The following SCYL2 variants were observed in gnomAD, a reference collection of about 807,000 sequenced individuals.
SCYL2 encodes SCY1-like protein 2.
In SCYL2, 36 loss-of-function variants were observed where a neutral mutation model predicts 100.4. The observed-to-expected ratio is 0.36, with a 90% CI of 0.27 to 0.47. The LOEUF (loss-of-function observed/expected upper bound fraction) is 0.47, where lower values mean the gene tolerates loss of function less well. Among genes scored for constraint, SCYL2 ranks in the 20% least tolerant of loss-of-function variants. The pLI is 1.00. For missense variants in SCYL2, 902 were observed against 1,083.9 expected, an observed-to-expected ratio of 0.83 and a Z score of 2.36; for synonymous variants, 330 against 359.2, an observed-to-expected ratio of 0.92 and a Z score of 0.92.
At chr12:100,318,821 T>A (rs914438977) in intron 10 of SCYL2, among the ~76,000 whole-genome samples, 3 of 152,246 alleles carry the variant, frequency 2.0e-5, no homozygotes, top group African/African-American at 7.2e-5. Flanking sequence ...TGTATAGTTA[T>A]AACTTTTGTT....
At chr12:100,296,396 C>T (rs1206629695) in intron 3 of SCYL2, among the ~76,000 whole-genome samples, 2 of 151,830 alleles carry the variant, frequency 1.3e-5, no homozygotes, top group Admixed American at 1.3e-4. Context: ...GTAATTAAAA[C>T]CTAAAAAAAA....
chr12:100,338,474 T>G (rs1952308442), intron 17 of SCYL2, 54 bp from the exon 18 acceptor site: 2 of 1,364,654 alleles, frequency 1.5e-6, no homozygotes, highest in Non-Finnish European at 9.9e-7. Context: ...TGTTTACTAA[T>G]TATAAAGTAA....
intron 1 of SCYL2, among the ~76,000 whole-genome samples, chr12:100,281,640 T>C (rs1434606349): frequency 6.6e-6 from 1 of 152,150 alleles, no homozygotes; most frequent in Non-Finnish European, 1.5e-5. Context: ...GAGACCATCC[T>C]GGCTAACACG....
chr12:100,321,419 T>C (rs2096355611), intron 10 of SCYL2, among the ~76,000 whole-genome samples: 2 of 152,190 alleles, frequency 1.3e-5, no homozygotes, highest in Admixed American at 6.5e-5. Flanking sequence ...GTGTGTACTT[T>C]AGCCAGTTAG....
chr12:100,323,477 A>G (rs762735701), intron 10 of SCYL2, 48 bp from the exon 11 acceptor site: 1 of 1,119,114 alleles, frequency 8.9e-7, no homozygotes, highest in East Asian at 2.4e-5. Context: ...TATCAGAGAG[A>G]AAAGATGAGT....
Position 100,326,936 on chromosome 12 carries a change from A to G in SCYL2, c.1642+182A>G, listed in dbSNP as rs112418166. 7.5e-3 allele frequency among the ~76,000 whole-genome samples: 1,145 copies of G among 152,318 alleles called. 16 individuals are homozygous for G. The highest frequency in any genetic ancestry group is 0.026 in the African/African-American group (1,086 of 41,590). On this transcript the variant is annotated intron_variant, in intron 12 of 17. Transcript: ENST00000360820. ...CAAAAGCAGTAGAATCTTGACATTTATAAAGGAATAAGATATTTAAGAATT... is the reference window on the plus strand; with the variant it reads ...CAAAAGCAGTAGAATCTTGACATTTGTAAAGGAATAAGATATTTAAGAATT...
At chr12:100,320,226 G>A (rs1041243650) in intron 10 of SCYL2, among the ~76,000 whole-genome samples, 1 of 152,080 alleles carries the variant, frequency 6.6e-6, no homozygotes, top group Non-Finnish European at 1.5e-5. Context: ...TATTAAAATA[G>A]TTCCTCATCC....
In SCYL2 at chr12:100,334,232, C is replaced by T; in HGVS notation, c.1828C>T (p.Leu610=). 6.2e-7 allele frequency: 1 copy of T among 1,602,422 alleles called. No individual in the cohort carries two copies. Among genetic ancestry groups the T allele is most frequent in the Non-Finnish European group, 8.5e-7 (1 of 1,173,094 alleles). The part of the protein sequence containing the change: ...NRLESEHKTK[L]EQLHIMQEQQ... ...ATTGGAGTCTGAACATAAGACTAAACTGGAGCAACTTCATATAATGCAAGA... is the reference window on the plus strand; with the variant it reads ...ATTGGAGTCTGAACATAAGACTAAATTGGAGCAACTTCATATAATGCAAGA... The change falls in exon 14 of 18, where the codon CTG becomes TTG. Residue 610 remains leucine (L), a synonymous_variant. Transcript: ENST00000360820.
chr12:100,291,439 C>T, intron 2 of SCYL2, 64 bp from the exon 3 acceptor site: 1 of 1,077,048 alleles, frequency 9.3e-7, no homozygotes, highest in Non-Finnish European at 1.3e-6. Context: ...TAGATTGTGA[C>T]ATTCATATAA....
intron 1 of SCYL2, among the ~76,000 whole-genome samples, chr12:100,272,852 T>A (rs533343583): frequency 1.3e-5 from 2 of 152,318 alleles, no homozygotes; most frequent in East Asian, 3.9e-4. Context: ...ATGTGAAATA[T>A]AACACATAAA....
intron 12 of SCYL2, chr12:100,327,300 A>G (rs1952142677): frequency 4.5e-6 from 1 of 222,152 alleles, no homozygotes; most frequent in Non-Finnish European, 9.6e-6. Context: ...TGGCTAAGTG[A>G]TATGCTGATG....
intron 4 of SCYL2, among the ~76,000 whole-genome samples, chr12:100,309,133 T>TGTGTGTGTGTGCGC (rs1442815826): frequency 2.0e-5 from 3 of 150,016 alleles, no homozygotes; most frequent in African/African-American, 7.5e-5. Context: ...TGTGTGTGTG[T>TGTGTGTGTGTGCGC]GCGCGCGCGT....
In SCYL2 at chr12:100,338,922, A is replaced by C; in HGVS notation, c.2540A>C (p.Gln847Pro). Residue 847 changes from glutamine (Q) to proline (P), a missense_variant, in exon 18 of 18, where the codon CAG becomes CCG. Transcript: ENST00000360820. ...GCCCTTAATAATCTCTTTGGCCCTC[A>C]GAAACCCAAAGTTAGCATGAACCAG... is the stretch of plus-strand genomic sequence containing the variant. The part of the protein sequence containing the change: ...MSALNNLFGP[Q>P]KPKVSMNQLS... 1 of 1,614,164 alleles carries C rather than the reference A, an allele frequency of 6.2e-7. No homozygotes were observed. Among genetic ancestry groups the C allele is most frequent in the Non-Finnish European group, 8.5e-7 (1 of 1,179,966 alleles).
At chr12:100,316,923 G>A (rs2096349481) in intron 9 of SCYL2, among the ~76,000 whole-genome samples, 1 of 152,102 alleles carries the variant, frequency 6.6e-6, no homozygotes, top group South Asian at 2.1e-4. Context: ...GCAACATGGT[G>A]AAACCCTGTC....
intron 8 of SCYL2, 78 bp downstream of exon 8, chr12:100,314,692 T>C (rs1355305413): frequency 2.3e-6 from 3 of 1,319,314 alleles, no homozygotes; most frequent in Non-Finnish European, 3.1e-6. Flanking sequence ...CCATAACTCT[T>C]CCAAGAAAAT....
chr12:100,327,907 G>A (rs1018362249), intron 12 of SCYL2, among the ~76,000 whole-genome samples: 5 of 152,158 alleles, frequency 3.3e-5, no homozygotes, highest in African/African-American at 4.8e-5. Context: ...GGAATGGTTA[G>A]CAAGTATTTA....
At chr12:100,294,712 T>C in intron 3 of SCYL2, among the ~76,000 whole-genome samples, 1 of 106,898 alleles carries the variant, frequency 9.4e-6, no homozygotes, top group Non-Finnish European at 1.8e-5. Flanking sequence ...CCCCCCCACC[T>C]CCCTCCCGGA....
Position 100,338,796 on chromosome 12 carries a change from A to C in SCYL2, c.2414A>C (p.Lys805Thr). The C allele has an allele frequency of 6.2e-7, 1 of 1,614,192 alleles. No homozygotes were observed. Among genetic ancestry groups the C allele is most frequent in the Non-Finnish European group, 8.5e-7 (1 of 1,180,004 alleles). The change falls in exon 18 of 18, where the codon AAG becomes ACG. Residue 805 changes from lysine to threonine, a missense_variant. By Grantham distance (78) the Lys-to-Thr change is moderately conservative. Transcript: ENST00000360820. ...YSSPSTVGVT[K>T]MTLGTPPTLP... ...AGTCCAAGCACAGTTGGAGTGACCA[A>C]GATGACTCTGGGAACACCTCCCACT...
intron 1 of SCYL2, among the ~76,000 whole-genome samples, chr12:100,275,623 T>C (rs2096291735): frequency 6.6e-6 from 1 of 152,244 alleles, no homozygotes; most frequent in Admixed American, 6.5e-5. Flanking sequence ...TTGTGTCATT[T>C]GGGAATAAAT....
Sources: gnomAD v4.1 joint callset for allele counts (sites outside exome capture counted in the v4.1 genomes callset) on GRCh38, gnomAD v4.1.1 for gene constraint, MANE v1.5 for transcripts, NCBI Gene and HGNC (gene_info 2026-07-23, HGNC 2026-07-21) for gene names.